Variants in AASS observed in about 807,000 individuals in gnomAD.
The protein encoded by AASS is alpha-aminoadipic semialdehyde synthase, mitochondrial.
AASS carries 86 observed loss-of-function variants against 105.4 expected under a neutral mutation model. The ratio of observed to expected loss-of-function variants is 0.82; its 90% CI spans 0.69 to 0.98. The LOEUF (loss-of-function observed/expected upper bound fraction) is 0.98. Among genes scored for constraint, AASS ranks in the 50% least tolerant of loss-of-function variants. The pLI is 0.00. For synonymous variants in AASS, 381 were observed against 394.8 expected (o/e 0.96, Z 0.41); for missense variants, 1,048 against 1,143.2 (o/e 0.92, Z 1.20).
Position 122,116,675 on chromosome 7 carries a change from A to C in AASS, c.852T>G (p.Tyr284Ter). The change falls in exon 8 of 24, where the codon TAT becomes TAG. Residue 284 changes from tyrosine (Y) to a stop codon, truncating the protein, a stop_gained. Transcript: ENST00000417368. LOFTEE classifies it high-confidence loss of function. ...KTDAVYDPAE[Y>*]DKHPERYISR... is the part of the protein sequence containing the mutation. Reference sequence around the variant, plus strand: ...TTATGTAGCGCTCCGGATGTTTGTCATACTCTGCAGGATCATACACAGCAT... The same window carrying C: ...TTATGTAGCGCTCCGGATGTTTGTCCTACTCTGCAGGATCATACACAGCAT... The C allele has an allele frequency of 6.2e-7, 1 of 1,614,150 alleles. No individual in the cohort carries two copies. The highest frequency in any genetic ancestry group is 8.5e-7 in the Non-Finnish European group (1 of 1,180,016).
rs1231813126 is a variant in AASS at position 122,074,451 on chromosome 7, TA to T, written c.*2037del. Among the ~76,000 whole-genome samples, 2 of 152,228 alleles carry T rather than the reference TA, an allele frequency of 1.3e-5. No homozygotes were observed. The highest frequency in any genetic ancestry group is 2.9e-5 in the Non-Finnish European group (2 of 68,042). On this transcript the variant is annotated 3_prime_UTR_variant, in exon 24 of 24. Coordinates refer to ENST00000417368, the MANE Select transcript of AASS (RefSeq NM_005763.4). The stretch of plus-strand genomic sequence containing the variant: ...GTGGGTTGTATTTTTGCTTTCTTGA[TA>T]TTGTCCTTGGAAACACAAATGGTTT...
chr7:122,127,630 G>T (rs1795716373), intron 3 of AASS, among the ~76,000 whole-genome samples: 1 of 151,936 alleles, frequency 6.6e-6, no homozygotes, highest in South Asian at 2.1e-4. Flanking sequence ...CTGTCACCCT[G>T]GTCTACTGTA....
intron 9 of AASS, 35 bp downstream of exon 9, chr7:122,115,039 C>A: frequency 1.2e-6 from 2 of 1,613,934 alleles, no homozygotes; most frequent in South Asian, 2.2e-5. Flanking sequence ...AGCAGCTGGT[C>A]AAAACTACTA....
At chr7:122,086,597 ATTATT>A (rs1793638890) in intron 18 of AASS, among the ~76,000 whole-genome samples, 1 of 151,652 alleles carries the variant, frequency 6.6e-6, no homozygotes, top group African/African-American at 2.4e-5. Flanking sequence ...AATAAACAAA[ATTATT>A]TTATATAAAA....
In AASS at chr7:122,133,742, C is replaced by A; in HGVS notation, c.-15-1G>T. Reference sequence around the variant, plus strand: ...CTTGCAGCATCTTGACACCTGGTGACTGTAAAGACAATGTAAAGAGCAGAG... The same window carrying A: ...CTTGCAGCATCTTGACACCTGGTGAATGTAAAGACAATGTAAAGAGCAGAG... On this transcript the variant is annotated splice_acceptor_variant, in intron 1 of 23. Coordinates refer to ENST00000417368, the MANE Select transcript of AASS (RefSeq NM_005763.4). LOFTEE classifies it low-confidence loss of function (5UTR_SPLICE). 6.2e-7 allele frequency: 1 copy of A among 1,613,074 alleles called. No homozygotes were observed. The highest frequency in any genetic ancestry group is 2.2e-5 in the East Asian group (1 of 44,866).
chr7:122,110,416 GA>G (rs946665076), intron 11 of AASS, among the ~76,000 whole-genome samples: 45 of 151,192 alleles, frequency 3.0e-4, no homozygotes, highest in African/African-American at 8.7e-4. Flanking sequence ...AATTGACAAA[GA>G]AAAATAAAAA....
At position 122,121,494 on chromosome 7, in the gene AASS, A is replaced by C. The variant is rs558065369; in HGVS notation, c.473-2864T>G. 3.3e-5 allele frequency among the ~76,000 whole-genome samples: 5 copies of C among 152,096 alleles called. No homozygotes were observed. In the South Asian group the frequency reaches 1.0e-3, roughly 32 times the overall value. Reference sequence around the variant, plus strand: ...ACTGCAGCCTCAACCTCCCAGACTCAAGCAATCCTCCCACCTCAGCCTCCC... The same window carrying C: ...ACTGCAGCCTCAACCTCCCAGACTCCAGCAATCCTCCCACCTCAGCCTCCC... On this transcript the variant is annotated intron_variant, in intron 4 of 23. Transcript: ENST00000417368.
intron 11 of AASS, among the ~76,000 whole-genome samples, chr7:122,106,849 C>G (rs1794688839): frequency 6.6e-6 from 1 of 151,920 alleles, no homozygotes. Flanking sequence ...GACATGGGAA[C>G]TAGCAAAGAT....
intron 1 of AASS, among the ~76,000 whole-genome samples, chr7:122,143,132 C>A (rs918568176): frequency 2.6e-5 from 4 of 151,860 alleles, no homozygotes; most frequent in East Asian, 1.9e-4. Flanking sequence ...CCAGAAACAC[C>A]AAAGTGCCAT....
intron 2 of AASS, among the ~76,000 whole-genome samples, chr7:122,131,034 A>C (rs1440443700): frequency 7.4e-6 from 1 of 135,198 alleles, no homozygotes; most frequent in Admixed American, 7.8e-5. Flanking sequence ...TTATTTTTGC[A>C]AAAAAAAAAA....
chr7:122,078,166 CAA>C, intron 22 of AASS, 152 bp from the exon 23 acceptor site: 1 of 753,196 alleles, frequency 1.3e-6, no homozygotes, highest in Non-Finnish European at 2.2e-6. Flanking sequence ...AGCCCAAAGT[CAA>C]AGTGAAAACC....
rs369424010 is a variant in AASS, at chr7:122,091,790, G to A, written c.1929C>T (p.Asn643=). The A allele has an allele frequency of 7.5e-6, 12 of 1,603,658 alleles. No homozygotes were observed. Among genetic ancestry groups the A allele is most frequent in the South Asian group, 1.1e-5 (1 of 90,966 alleles). ...AGCTAAATTTATATCTCAATGGATT[G>A]TTTGAATGTTCAGGGGCTGGAAGCC... ...CGGLPAPEHS[N]NPLRYKFSWS... The change falls in exon 18 of 24, where the codon AAC becomes AAT. Residue 643 remains asparagine, a synonymous_variant. Coordinates refer to ENST00000417368, the MANE Select transcript of AASS (RefSeq NM_005763.4).
At chr7:122,141,052 G>T (rs892775210) in intron 1 of AASS, among the ~76,000 whole-genome samples, 22 of 152,156 alleles carry the variant, frequency 1.4e-4, no homozygotes, top group African/African-American at 4.8e-4. Context: ...CACAGCACCA[G>T]ATGATGGCCT....
At chr7:122,129,126 G>A (rs569715339) in intron 3 of AASS, among the ~76,000 whole-genome samples, 65 of 152,166 alleles carry the variant, frequency 4.3e-4, no homozygotes, top group African/African-American at 1.5e-3. Context: ...TATGATCCCT[G>A]AGGTTATTTT....
intron 17 of AASS, among the ~76,000 whole-genome samples, chr7:122,092,416 C>T (rs937608060): frequency 6.6e-6 from 1 of 151,968 alleles, no homozygotes. Context: ...TGGTTGCTAC[C>T]TAAGACTTGG....
At chr7:122,108,026 G>C (rs985086757) in intron 11 of AASS, among the ~76,000 whole-genome samples, 1 of 147,570 alleles carries the variant, frequency 6.8e-6, no homozygotes, top group African/African-American at 2.5e-5. Flanking sequence ...GATCATAAGA[G>C]AGCATTATGA....
rs754338654 is a variant in AASS, at chr7:122,133,618, C to T, written c.109G>A (p.Glu37Lys). The change falls in exon 2 of 24, where the codon GAG (glutamate) becomes AAG (lysine). Residue 37 changes from glutamate (E) to lysine (K), a missense_variant. Transcript: ENST00000417368. ...AVRREDVNAW[E>K]RRAPLAPKHI... ...TTGGGAGCTAGCGGGGCCCTTCTCT[C>T]CCAGGCGTTCACATCCTCCCTCCGG... The T allele has an allele frequency of 5.6e-6, 9 of 1,614,174 alleles. No individual in the cohort carries two copies. In the South Asian group the frequency reaches 9.9e-5, roughly 18 times the overall value.
At chr7:122,084,283 C>T (rs1471019774) in intron 19 of AASS, among the ~76,000 whole-genome samples, 2 of 151,876 alleles carry the variant, frequency 1.3e-5, no homozygotes, top group African/African-American at 4.8e-5. Flanking sequence ...GATTCCTGGG[C>T]AATGAAAAAA....
chr7:122,102,008 C>T (rs1179635028), intron 11 of AASS, among the ~76,000 whole-genome samples: 1 of 151,842 alleles, frequency 6.6e-6, no homozygotes, highest in East Asian at 1.9e-4. Flanking sequence ...TCTTCACAAG[C>T]TTTATAGCTA....
Sources: gnomAD v4.1 joint callset for allele counts (sites outside exome capture counted in the v4.1 genomes callset) on GRCh38, gnomAD v4.1.1 for gene constraint, MANE v1.5 for transcripts, NCBI Gene and HGNC (gene_info 2026-07-23, HGNC 2026-07-21) for gene names.